Variants in SYTL3 observed in about 807,000 individuals in gnomAD.
SYTL3 encodes synaptotagmin-like protein 3.
In SYTL3, 88 loss-of-function variants were observed where a neutral mutation model predicts 82.1. The ratio of observed to expected loss-of-function variants is 1.07; its 90% CI spans 0.90 to 1.28. The LOEUF is 1.28. Ranked by LOEUF, SYTL3 falls within the 50% of genes most tolerant of loss-of-function variation. The pLI, the probability that SYTL3 is intolerant of heterozygous loss-of-function variation, is 0.00. For missense variants in SYTL3, 831 were observed against 757.6 expected, an observed-to-expected ratio of 1.10 and a Z score of -1.14; for synonymous variants, 311 against 289.4, an observed-to-expected ratio of 1.07 and a Z score of -0.76.
At chr6:158,721,223 T>C (rs955571473) in intron 10 of SYTL3, among the ~76,000 whole-genome samples, 8 of 152,180 alleles carry the variant, frequency 5.3e-5, no homozygotes, top group African/African-American at 1.9e-4. Context: ...TTGGTTTCTT[T>C]GTTTCATTTT....
At chr6:158,723,935 G>A (rs1784416642) in intron 10 of SYTL3, among the ~76,000 whole-genome samples, 1 of 152,158 alleles carries the variant, frequency 6.6e-6, no homozygotes, top group African/African-American at 2.4e-5. Context: ...GTGTCTGTAG[G>A]TCTAGGACGT....
chr6:158,663,787 CAAAG>C (rs576545195), intron 4 of SYTL3, among the ~76,000 whole-genome samples: 125 of 152,140 alleles, frequency 8.2e-4, no homozygotes, highest in Middle Eastern at 3.4e-3. Flanking sequence ...TAAAGAAAAG[CAAAG>C]AAAGAGGCTC....
chr6:158,669,866 C>T (rs1444047146), intron 5 of SYTL3, among the ~76,000 whole-genome samples: 1 of 152,200 alleles, frequency 6.6e-6, no homozygotes, highest in Non-Finnish European at 1.5e-5. Context: ...TCATGGAATG[C>T]CCAAGCGGGA....
intron 5 of SYTL3, among the ~76,000 whole-genome samples, chr6:158,674,967 C>A (rs565205539): frequency 6.6e-6 from 1 of 151,790 alleles, no homozygotes; most frequent in Non-Finnish European, 1.5e-5. Flanking sequence ...TGGCCCTGCC[C>A]GACACAGTTA....
At chr6:158,751,513 C>T (rs766770315) in intron 12 of SYTL3, among the ~76,000 whole-genome samples, 9 of 152,182 alleles carry the variant, frequency 5.9e-5, no homozygotes, top group Non-Finnish European at 7.3e-5. Context: ...CAGCACAGTG[C>T]GAGGCATATG....
At chr6:158,755,918 A>G (rs574537207) in intron 13 of SYTL3, among the ~76,000 whole-genome samples, 42 of 152,312 alleles carry the variant, frequency 2.8e-4, no homozygotes, top group Non-Finnish European at 5.0e-4. Flanking sequence ...CTACCAGACC[A>G]AGGGAGGGAG....
intron 6 of SYTL3, among the ~76,000 whole-genome samples, chr6:158,700,693 T>C (rs1781095658): frequency 6.6e-6 from 1 of 152,164 alleles, no homozygotes; most frequent in African/African-American, 2.4e-5. Context: ...CTTGGCTCAC[T>C]GCAAGGTCCG....
At chr6:158,649,269 A>C (rs897554755), upstream of SYTL3, among the ~76,000 whole-genome samples, 2 of 152,268 alleles carry the variant, frequency 1.3e-5, no homozygotes, top group African/African-American at 2.4e-5. Context: ...GGTTGATGAC[A>C]GCAAACATTT....
chr6:158,720,432 G>A (rs1783973727), intron 10 of SYTL3, among the ~76,000 whole-genome samples: 1 of 141,238 alleles, frequency 7.1e-6, no homozygotes. Context: ...AAAAGCCTGA[G>A]TTTTAGTGAG....
At chr6:158,672,878 G>C (rs1777557543) in intron 5 of SYTL3, among the ~76,000 whole-genome samples, 1 of 151,992 alleles carries the variant, frequency 6.6e-6, no homozygotes, top group East Asian at 1.9e-4. Context: ...CAAGTGATCT[G>C]CCCGTCTCGG....
intron 5 of SYTL3, among the ~76,000 whole-genome samples, chr6:158,682,355 C>CA (rs1778790087): frequency 9.4e-6 from 1 of 106,836 alleles, no homozygotes; most frequent in South Asian, 3.2e-4. Context: ...TTAACATTCA[C>CA]TTTTTTTTTT....
At position 158,746,462 on chromosome 6, in the gene SYTL3, T is replaced by A. The variant is rs138453623; in HGVS notation, c.1034+804T>A. 5.4e-3 allele frequency among the ~76,000 whole-genome samples: 793 copies of A among 146,896 alleles called. 12 individuals are homozygous for A. The highest frequency in any genetic ancestry group is 0.047 in the South Asian group (219 of 4,646). ...CATTATAATAATAATAATAATAATATTATTATTATTATTATTATTTTGAGG... is the reference window on the plus strand; with the variant it reads ...CATTATAATAATAATAATAATAATAATATTATTATTATTATTATTTTGAGG... On this transcript the variant is annotated intron_variant, in intron 12 of 17. Transcript: ENST00000611299.
At chr6:158,760,173 G>A (rs146710732) in intron 14 of SYTL3, among the ~76,000 whole-genome samples, 430 of 152,160 alleles carry the variant, frequency 2.8e-3, no homozygotes, top group Non-Finnish European at 5.1e-3. Flanking sequence ...ACCCTGAGGG[G>A]CCACCCCCTG....
At chr6:158,692,984 A>G (rs1780083441) in intron 6 of SYTL3, among the ~76,000 whole-genome samples, 1 of 152,034 alleles carries the variant, frequency 6.6e-6, no homozygotes, top group African/African-American at 2.4e-5. Flanking sequence ...GTGTCAGTCA[A>G]TACGTAGCTG....
At chr6:158,731,695 G>A (rs140806666) in intron 11 of SYTL3, among the ~76,000 whole-genome samples, 317 of 152,274 alleles carry the variant, frequency 2.1e-3, no homozygotes, top group African/African-American at 7.1e-3. Context: ...CCGGGTTCAC[G>A]CCATTCTCCT....
chr6:158,764,649 G>C lies in SYTL3; in HGVS notation c.*45G>C, dbSNP rs892516564. On this transcript the variant is annotated 3_prime_UTR_variant, in exon 18 of 18. Transcript: ENST00000611299. ...CAGGTTGCAGCAGGCGTGAGGCACT[G>C]TGCGTCTGCAGAGGGGCTACGAACC... 1 of 1,416,384 alleles carries C rather than the reference G, an allele frequency of 7.1e-7. No individual in the cohort carries two copies. The highest frequency in any genetic ancestry group is 1.0e-6 in the Non-Finnish European group (1 of 1,000,150). The allele number at this position is 1,416,384 out of a possible 1,614,324, so 87.7% of individuals were successfully genotyped here. A position where few individuals can be genotyped will look rare whatever the true frequency, so the allele number is the denominator to read the frequency against.
intron 11 of SYTL3, among the ~76,000 whole-genome samples, chr6:158,727,290 G>A (rs1417567393): frequency 6.6e-6 from 1 of 151,844 alleles, no homozygotes. Context: ...GGTCATGCCT[G>A]TCTCCTGAGT....
chr6:158,744,501 A>G (rs1205920091), intron 11 of SYTL3, among the ~76,000 whole-genome samples: 1 of 150,072 alleles, frequency 6.7e-6, no homozygotes, highest in Non-Finnish European at 1.5e-5. Context: ...TTGTATTTTT[A>G]GTAGAGATGG....
chr6:158,700,835 C>T (rs1189201416), intron 6 of SYTL3, among the ~76,000 whole-genome samples: 1 of 152,006 alleles, frequency 6.6e-6, no homozygotes, highest in Non-Finnish European at 1.5e-5. Context: ...CCAGGATGGT[C>T]TCGATCTCCT....
Sources: allele counts gnomAD v4.1 joint callset (sites outside exome capture counted in the v4.1 genomes callset), GRCh38; gene constraint gnomAD v4.1.1; transcripts MANE v1.5; gene names NCBI Gene and HGNC (gene_info 2026-07-23, HGNC 2026-07-21).